Variants in SEC13 observed in about 807,000 individuals in gnomAD.
SEC13 encodes the protein SEC13 homolog, nuclear pore and COPII component.
Under a neutral mutation model 49.2 loss-of-function variants are expected in SEC13, and 25 were observed. That is an observed-to-expected ratio of 0.51 (90% CI 0.37 to 0.71). The LOEUF (loss-of-function observed/expected upper bound fraction) is 0.71. SEC13 is among the 30% of genes least tolerant of loss of function. SEC13 has a pLI of 0.00. For synonymous variants in SEC13, 148 were observed against 163.9 expected (o/e 0.90, Z 0.74); for missense variants, 383 against 417.6 (o/e 0.92, Z 0.72).
Position 10,301,226 on chromosome 3 carries a change from G to A in SEC13, c.*35C>T. 1 of 1,614,120 alleles carries A rather than the reference G, an allele frequency of 6.2e-7. No homozygotes were observed. The highest frequency in any genetic ancestry group is 1.1e-5 in the South Asian group (1 of 91,080). The stretch of plus-strand genomic sequence containing the variant: ...TGGCCCAGGAAGGGGCAGTCCTGGA[G>A]CTGGCGGGTGGGGAGCCAGGCCCCA... On this transcript the variant is annotated 3_prime_UTR_variant, in exon 9 of 9. Transcript: ENST00000350697.
intron 1 of SEC13, chr3:10,319,415 G>GCA (rs1574896390): frequency 1.3e-6 from 1 of 795,348 alleles, no homozygotes; most frequent in East Asian, 3.1e-5. Context: ...GGTACCAAGG[G>GCA]CACAGTCAAT....
chr3:10,308,690 T>TTAAG (rs2125258064), intron 5 of SEC13, among the ~76,000 whole-genome samples: 1 of 152,158 alleles, frequency 6.6e-6, no homozygotes, highest in African/African-American at 2.4e-5. Context: ...TCTTTCCCCT[T>TTAAG]TAAGTCACAA....
intron 3 of SEC13, 149 bp from the exon 4 acceptor site, chr3:10,312,879 G>A (rs1701369896): frequency 1.4e-6 from 1 of 707,024 alleles, no homozygotes; most frequent in Non-Finnish European, 2.3e-6. Context: ...TTGCAAAAGG[G>A]GTGCTCAGTG....
intron 1 of SEC13, among the ~76,000 whole-genome samples, chr3:10,319,800 G>A (rs1574897393): frequency 4.9e-4 from 1 of 2,038 alleles, no homozygotes; most frequent in Non-Finnish European, 1.5e-3. Context: ...GAGAGAAGGC[G>A]GGGGGGGGGG....
intron 5 of SEC13, among the ~76,000 whole-genome samples, chr3:10,309,749 A>T (rs1701133456): frequency 6.6e-6 from 1 of 152,198 alleles, no homozygotes; most frequent in South Asian, 2.1e-4. Flanking sequence ...TTTCTTATAT[A>T]ACAACTGTAT....
chr3:10,317,993 C>T (rs1248193595), intron 2 of SEC13, 57 bp downstream of exon 2: 35 of 1,243,906 alleles, frequency 2.8e-5, no homozygotes, highest in Non-Finnish European at 3.9e-5. Flanking sequence ...AATTGCTTCC[C>T]TCCCACAAAA....
Position 10,301,091 on chromosome 3 carries a change from G to GCAT in SEC13, c.*167_*169dup, listed in dbSNP as rs1459652862. 4 of 1,612,516 alleles carry GCAT rather than the reference G, an allele frequency of 2.5e-6. No homozygotes were observed. Among genetic ancestry groups the GCAT allele is most frequent in the Non-Finnish European group, 2.5e-6 (3 of 1,179,764 alleles). ...TTTCAGCTGGACAGTAGATTACAAA[G>GCAT]CATCTCCGATCACGTTAAGGCAGAT... On this transcript the variant is annotated 3_prime_UTR_variant, in exon 9 of 9. Coordinates refer to ENST00000350697, the MANE Select transcript of SEC13 (RefSeq NM_183352.3).
chr3:10,319,894 G>A (rs1440040038), intron 1 of SEC13, among the ~76,000 whole-genome samples: 1 of 108,908 alleles, frequency 9.2e-6, no homozygotes, highest in East Asian at 2.8e-4. Context: ...AGAGGAAGGG[G>A]GGAGGAAGAG....
In SEC13 at chr3:10,301,142, C is replaced by T; in HGVS notation, c.*119G>A. 1 of 1,613,916 alleles carries T rather than the reference C, an allele frequency of 6.2e-7. No individual in the cohort carries two copies. On this transcript the variant is annotated 3_prime_UTR_variant, in exon 9 of 9. Transcript: ENST00000350697. The stretch of plus-strand genomic sequence containing the variant: ...GATCAATCTGTGGCTGCATCTGTAA[C>T]TCCTCCTGGGAAAATAATCCTGTTG...
chr3:10,310,102 C>T (rs1015810239), intron 5 of SEC13, among the ~76,000 whole-genome samples: 2 of 152,214 alleles, frequency 1.3e-5, no homozygotes, highest in African/African-American at 4.8e-5. Context: ...CTTCCACTCA[C>T]TCGGTGTTAC....
Position 10,312,599 on chromosome 3 carries a change from T to C in SEC13, c.296A>G (p.His99Arg), listed in dbSNP as rs1701346273. The C allele has an allele frequency of 1.2e-6, 2 of 1,614,076 alleles. No individual in the cohort carries two copies. The highest frequency in any genetic ancestry group is 1.7e-6 in the Non-Finnish European group (2 of 1,180,032). The change falls in exon 4 of 9, where the codon CAT (histidine) becomes CGT (arginine). Residue 99 changes from histidine (H) to arginine (R), a missense_variant. Physicochemically the swap from His to Arg is conservative, Grantham distance 29. Coordinates refer to ENST00000350697, the MANE Select transcript of SEC13 (RefSeq NM_183352.3). ...CATACCTGAGGAGTCGTGTCCCGCA[T>C]GCTCGTGGCTCTTCTCCCAGGTGCC... The part of the protein sequence containing the change: ...ENGTWEKSHE[H>R]AGHDSSVNSV...
chr3:10,307,254 G>A (rs767603887), intron 5 of SEC13, among the ~76,000 whole-genome samples: 2 of 151,122 alleles, frequency 1.3e-5, no homozygotes, highest in Admixed American at 1.3e-4. Flanking sequence ...TGTTGCCCAG[G>A]ATGGAGTGCA....
At chr3:10,317,729 T>C (rs1701693497) in intron 2 of SEC13, among the ~76,000 whole-genome samples, 1 of 152,142 alleles carries the variant, frequency 6.6e-6, no homozygotes, top group African/African-American at 2.4e-5. Context: ...GGAAGACTAT[T>C]GTCAAGCCTC....
In SEC13 at chr3:10,314,164, C is replaced by T. The variant is rs1701460095; in HGVS notation, c.164+1157G>A. Among the ~76,000 whole-genome samples the T allele has an allele frequency of 3.3e-5, 5 of 152,140 alleles. No homozygotes were observed. In the South Asian group the frequency reaches 1.0e-3, roughly 31 times the overall value. On this transcript the variant is annotated intron_variant, in intron 3 of 8. Coordinates refer to ENST00000350697, the MANE Select transcript of SEC13 (RefSeq NM_183352.3). ...GGGTTTCACCCTGTCATCCAGGCTG[C>T]AGTGCAGTGGCACCATCGTGGCTCA...
intron 1 of SEC13, chr3:10,320,772 G>C (rs1219953536): frequency 7.6e-7 from 1 of 1,317,748 alleles, no homozygotes; most frequent in East Asian, 3.0e-5. Flanking sequence ...GCTGTTCCTC[G>C]TTTTGTTTTC....
At chr3:10,308,465 T>C (rs1235405648) in intron 5 of SEC13, among the ~76,000 whole-genome samples, 2 of 152,182 alleles carry the variant, frequency 1.3e-5, no homozygotes, top group Non-Finnish European at 2.9e-5. Flanking sequence ...CAACTTATCA[T>C]TTACCTGTTG....
intron 1 of SEC13, chr3:10,319,326 CAAGT>C (rs1439985616): frequency 9.0e-6 from 14 of 1,558,404 alleles, no homozygotes; most frequent in Non-Finnish European, 1.0e-5. Flanking sequence ...TCTGCAAAGG[CAAGT>C]AAGGACAATA....
chr3:10,306,088 C>CTATA (rs1210723618), intron 5 of SEC13, among the ~76,000 whole-genome samples: 2 of 152,202 alleles, frequency 1.3e-5, no homozygotes. Context: ...CCCTCTTCCA[C>CTATA]TATAAGTAAC....
chr3:10,315,350 T>A lies in SEC13; in HGVS notation c.135A>T (p.Gly45=). 1 of 1,613,832 alleles carries A rather than the reference T, an allele frequency of 6.2e-7. No individual in the cohort carries two copies. The highest frequency in any genetic ancestry group is 8.5e-7 in the Non-Finnish European group (1 of 1,179,890). ...TGAGGTCGGCGATAAGGATCTGCCC[T>A]CCATTGCGCACATCAAAGATTTTGA... The part of the protein sequence containing the change: ...RSVKIFDVRN[G]GQILIADLRG... Residue 45 remains glycine (G), a synonymous_variant, in exon 3 of 9, where the codon GGA becomes GGT. Transcript: ENST00000350697.
Sources: allele counts gnomAD v4.1 joint callset (sites outside exome capture counted in the v4.1 genomes callset), GRCh38; gene constraint gnomAD v4.1.1; transcripts MANE v1.5; gene names NCBI Gene and HGNC (gene_info 2026-07-23, HGNC 2026-07-21).